KMT2E: variants seen among roughly 807,000 people sequenced by gnomAD.
The protein encoded by KMT2E is histone reader KMT2E.
A neutral mutation model predicts 184.6 loss-of-function variants in KMT2E; 30 were observed. That is an observed-to-expected ratio of 0.16 (90% CI 0.12 to 0.22). KMT2E has a LOEUF of 0.22. Ranked by LOEUF, KMT2E falls within the 10% of genes least tolerant of loss-of-function variation. KMT2E has a pLI of 1.00. For missense variants in KMT2E, 2,023 were observed against 2,237.4 expected, an observed-to-expected ratio of 0.90 and a Z score of 1.93; for synonymous variants, 815 against 776.5, an observed-to-expected ratio of 1.05 and a Z score of -0.82.
At chr7:105,111,018 T>C in intron 26 of KMT2E, 150 bp downstream of exon 26, 1 of 617,934 alleles carries the variant, frequency 1.6e-6, no homozygotes, top group South Asian at 2.0e-5. Flanking sequence ...TCAATTGTGT[T>C]TACTACTGTT....
At chr7:105,026,350 C>G (rs1021501289) in intron 1 of KMT2E, among the ~76,000 whole-genome samples, 5 of 151,848 alleles carry the variant, frequency 3.3e-5, no homozygotes, top group Non-Finnish European at 5.9e-5. Flanking sequence ...TGGAACATAT[C>G]AAGATCCAAA....
At position 105,103,836 on chromosome 7, in the gene KMT2E, T is replaced by C. The variant is rs1054096557; in HGVS notation, c.2197-1603T>C. 28 of 149,954 alleles carry C rather than the reference T, an allele frequency of 1.9e-4. No homozygotes were observed. In the East Asian group the frequency reaches 3.1e-3, roughly 17 times the overall value. The allele number at this position is 149,954 out of a possible 1,614,324, so 9.3% of individuals were successfully genotyped here. ...TGTACATTTTCTTTTTCTTTTTTTT[T>C]TTTTTTTTTGAGATGGAGTTTCGCT... On this transcript the variant is annotated intron_variant, in intron 17 of 26. Transcript: ENST00000311117.
intron 15 of KMT2E, among the ~76,000 whole-genome samples, chr7:105,094,298 G>C (rs1386753980): frequency 6.6e-6 from 1 of 152,146 alleles, no homozygotes; most frequent in Non-Finnish European, 1.5e-5. Flanking sequence ...ACTAATACTA[G>C]GTAGAATAAA....
At position 105,066,769 on chromosome 7, in the gene KMT2E, T is replaced by C; in HGVS notation, c.459T>C (p.His153=). ...ACTGCATGGGGATTGATAGGCAGCA[T>C]ATTCCTGATACATATCTATGTGAAC... The part of the protein sequence containing the change: ...HIDCMGIDRQ[H]IPDTYLCERC... Residue 153 remains histidine, a synonymous_variant, in exon 6 of 27, where the codon CAT becomes CAC. Transcript: ENST00000311117. The C allele has an allele frequency of 1.9e-6, 3 of 1,613,020 alleles. No individual in the cohort carries two copies. The highest frequency in any genetic ancestry group is 2.5e-6 in the Non-Finnish European group (3 of 1,179,254).
In KMT2E at chr7:105,064,164, G is replaced by GTTTTTTT. The variant is rs66946883; in HGVS notation, c.416+606_416+612dup. 737 of 76,138 alleles carry GTTTTTTT rather than the reference G, an allele frequency of 9.7e-3. 48 individuals carry two copies. The highest frequency in any genetic ancestry group is 0.014 in the Non-Finnish European group (604 of 42,562). The allele number at this position is 76,138 out of a possible 1,614,324, so 4.7% of individuals were successfully genotyped here. A position where few individuals can be genotyped will look rare whatever the true frequency, so the allele number is the denominator to read the frequency against. On this transcript the variant is annotated intron_variant, in intron 5 of 26. Transcript: ENST00000311117. ...GGTTTTGTATCATTTTTTTTTCTTG[G>GTTTTTTT]TTTTTTTTTTTTTTTTTTTTTTTTT...
intron 1 of KMT2E, among the ~76,000 whole-genome samples, chr7:105,028,341 G>C (rs565470247): frequency 1.3e-5 from 2 of 152,116 alleles, no homozygotes; most frequent in South Asian, 4.1e-4. Context: ...ACTAATCTTT[G>C]AATTTCTTTG....
chr7:105,082,261 G>A (rs1797785742), intron 13 of KMT2E, among the ~76,000 whole-genome samples: 1 of 152,106 alleles, frequency 6.6e-6, no homozygotes, highest in Admixed American at 6.5e-5. Context: ...TGAAATACTA[G>A]TAAAAAACTA....
chr7:105,036,880 C>T (rs1003800786), intron 1 of KMT2E, among the ~76,000 whole-genome samples: 4 of 152,146 alleles, frequency 2.6e-5, no homozygotes, highest in African/African-American at 9.7e-5. Context: ...GATCATCAGC[C>T]TAATCAACTT....
chr7:105,073,982 TTCTTCAGAAA>T (rs1797433371), intron 7 of KMT2E, among the ~76,000 whole-genome samples: 1 of 152,250 alleles, frequency 6.6e-6, no homozygotes, highest in African/African-American at 2.4e-5. Flanking sequence ...AATATGTTTG[TTCTTCAGAAA>T]GATATGATCC....
intron 1 of KMT2E, among the ~76,000 whole-genome samples, chr7:105,036,271 C>G (rs1424148882): frequency 6.7e-6 from 1 of 150,262 alleles, no homozygotes; most frequent in Non-Finnish European, 1.5e-5. Context: ...CTCCTGGGTT[C>G]AAGCGATTCT....
At chr7:105,047,136 T>C (rs1167381998) in intron 3 of KMT2E, among the ~76,000 whole-genome samples, 1 of 152,234 alleles carries the variant, frequency 6.6e-6, no homozygotes, top group Admixed American at 6.5e-5. Context: ...ACATGTGAAA[T>C]GTTGTCTACC....
chr7:105,083,556 GT>G (rs1797842501), intron 13 of KMT2E, among the ~76,000 whole-genome samples: 2 of 152,184 alleles, frequency 1.3e-5, no homozygotes, highest in Non-Finnish European at 2.9e-5. Context: ...GCTTCCGTTT[GT>G]TTTCCCTTCA....
chr7:105,048,052 G>A (rs1796180055), intron 3 of KMT2E, among the ~76,000 whole-genome samples: 1 of 152,054 alleles, frequency 6.6e-6, no homozygotes, highest in African/African-American at 2.4e-5. Context: ...GGTGGATAGG[G>A]ACTCAAAAAA....
chr7:105,051,094 TTCTCTC>T (rs67837076), intron 3 of KMT2E, among the ~76,000 whole-genome samples: 3 of 149,472 alleles, frequency 2.0e-5, no homozygotes, highest in South Asian at 2.1e-4. Flanking sequence ...TCTTTCTTTT[TTCTCTC>T]TCTCTCTCTT....
Position 105,105,467 on chromosome 7 carries a change from A to C in KMT2E, c.2225A>C (p.Lys742Thr), listed in dbSNP as rs758553658. Residue 742 changes from lysine to threonine, a missense_variant, in exon 18 of 27, where the codon AAG becomes ACG. Physicochemically the swap from Lys to Thr is moderately conservative, Grantham distance 78. Around this residue, in one of 8 missense-constraint regions of KMT2E, gnomAD observed 514 missense variants for 621.8 expected, o/e 0.83. Coordinates refer to ENST00000311117, the MANE Select transcript of KMT2E (RefSeq NM_182931.3). ...TTGGTTAATGAATGGTTAAGTGAGA[A>C]GAATGAGAAGACAGGAAAACCTTCA... Reference protein sequence around the residue: ...KHLVNEWLSEKNEKTGKPSDG... With the variant: ...KHLVNEWLSETNEKTGKPSDG... The C allele has an allele frequency of 5.6e-6, 9 of 1,604,694 alleles. No individual in the cohort carries two copies. The highest frequency in any genetic ancestry group is 7.6e-6 in the Non-Finnish European group (9 of 1,177,430).
chr7:105,109,124 A>G lies in KMT2E; in HGVS notation c.3651A>G (p.Leu1217=), dbSNP rs1247611281. 6.2e-7 allele frequency: 1 copy of G among 1,614,190 alleles called. No individual in the cohort carries two copies. The highest frequency in any genetic ancestry group is 1.7e-5 in the Admixed American group (1 of 60,028). ...TGGACCACACTGCTAGCCTACCTTT[A>G]CCAACACCAGCTACAGTTTATAATG... ...EQVDHTASLP[L]PTPATVYNAT... The change falls in exon 23 of 27, where the codon TTA becomes TTG. Residue 1217 remains leucine, a synonymous_variant. Transcript: ENST00000311117.
chr7:105,064,164 G>GTT (rs66946883), intron 5 of KMT2E: 1,086 of 76,074 alleles, frequency 0.014, 63 homozygotes, highest in African/African-American at 0.035. Context: ...TTTTTTCTTG[G>GTT]TTTTTTTTTT....
At chr7:105,049,614 G>A (rs1029427027) in intron 3 of KMT2E, among the ~76,000 whole-genome samples, 17 of 151,984 alleles carry the variant, frequency 1.1e-4, no homozygotes, top group Non-Finnish European at 7.4e-5. Context: ...AAAATGGCCA[G>A]GCGCGGTGGC....
At chr7:105,033,643 C>A (rs532183300) in intron 1 of KMT2E, among the ~76,000 whole-genome samples, 1 of 152,048 alleles carries the variant, frequency 6.6e-6, no homozygotes, top group Non-Finnish European at 1.5e-5. Context: ...GGACTACAGA[C>A]GCCCGCCACC....
Sources: gnomAD v4.1 joint callset for allele counts (sites outside exome capture counted in the v4.1 genomes callset) on GRCh38, gnomAD v4.1.1 for gene constraint, gnomAD v4.1.1 regional missense constraint, MANE v1.5 for transcripts, NCBI Gene and HGNC (gene_info 2026-07-23, HGNC 2026-07-21) for gene names.